LYPD6: variants seen among roughly 807,000 people sequenced by gnomAD.
LYPD6 encodes ly6/PLAUR domain-containing protein 6.
LYPD6 carries 15 observed loss-of-function variants against 22.7 expected under a neutral mutation model. The ratio of observed to expected loss-of-function variants is 0.66; its 90% CI spans 0.44 to 1.02. LYPD6 has a LOEUF of 1.02. Ranked by LOEUF, LYPD6 falls within the 50% of genes least tolerant of loss-of-function variation. LYPD6 has a pLI of 0.00. For missense variants in LYPD6, 189 were observed against 208.4 expected, an observed-to-expected ratio of 0.91 and a Z score of 0.57; for synonymous variants, 72 against 77.5, an observed-to-expected ratio of 0.93 and a Z score of 0.37.
chr2:149,370,954 C>T (rs1681794438), intron 1 of LYPD6, among the ~76,000 whole-genome samples: 2 of 152,130 alleles, frequency 1.3e-5, no homozygotes, highest in South Asian at 2.1e-4. Context: ...CAGAGTAAGA[C>T]CCTGTCTCTT....
chr2:149,474,724 G>A (rs1234366690), downstream of LYPD6, among the ~76,000 whole-genome samples: 1 of 152,068 alleles, frequency 6.6e-6, no homozygotes, highest in Non-Finnish European at 1.5e-5. Flanking sequence ...TAGAAAATTT[G>A]ATTTTGAAGA....
intron 2 of LYPD6, among the ~76,000 whole-genome samples, chr2:149,439,469 T>G (rs960599488): frequency 1.3e-5 from 2 of 152,240 alleles, no homozygotes; most frequent in Non-Finnish European, 2.9e-5. Flanking sequence ...TAGGGTTGAT[T>G]GCCAGAGTTT....
the LYPD6 span, among the ~76,000 whole-genome samples, chr2:149,484,259 T>A: frequency 2.0e-5 from 3 of 152,240 alleles, no homozygotes; most frequent in Non-Finnish European, 4.4e-5. Context: ...GTGACTCTTT[T>A]GGTGTGGACT....
chr2:149,387,250 A>T (rs1682209824), intron 1 of LYPD6, among the ~76,000 whole-genome samples: 1 of 152,230 alleles, frequency 6.6e-6, no homozygotes, highest in African/African-American at 2.4e-5. Context: ...GAGATATTGT[A>T]TTGAGTGTGG....
At chr2:149,453,823 G>T (rs1387824351) in intron 3 of LYPD6, among the ~76,000 whole-genome samples, 2 of 152,122 alleles carry the variant, frequency 1.3e-5, no homozygotes, top group Non-Finnish European at 2.9e-5. Flanking sequence ...TTCCTTTTAG[G>T]CAATTTTACA....
intron 1 of LYPD6, among the ~76,000 whole-genome samples, chr2:149,361,637 T>C (rs1456959690): frequency 6.6e-6 from 1 of 152,218 alleles, no homozygotes; most frequent in Non-Finnish European, 1.5e-5. Context: ...GAATTAATTT[T>C]CTTTTTGAAT....
chr2:149,456,410 C>T lies in LYPD6; in HGVS notation c.217+7263C>T, dbSNP rs143525491. Among the ~76,000 whole-genome samples the T allele has an allele frequency of 5.2e-3, 790 of 152,328 alleles. 11 individuals carry two copies. The highest frequency in any genetic ancestry group is 0.018 in the African/African-American group (746 of 41,582). ...TAGAAGCTCCTCGCATGCCTGTTTT[C>T]AGTCACTTTTCCTACCACCAAGGGT... On this transcript the variant is annotated intron_variant, in intron 3 of 4. Transcript: ENST00000334166.
At chr2:149,367,157 G>A (rs185508897) in intron 1 of LYPD6, among the ~76,000 whole-genome samples, 1 of 152,010 alleles carries the variant, frequency 6.6e-6, no homozygotes, top group Non-Finnish European at 1.5e-5. Flanking sequence ...CTCAAATTTT[G>A]TATGGCTTAG....
chr2:149,468,624 A>G (rs779443678), intron 3 of LYPD6, 21 bp from the exon 4 acceptor site: 1 of 1,608,442 alleles, frequency 6.2e-7, no homozygotes, highest in Admixed American at 1.7e-5. Context: ...CCCATCTCAA[A>G]TATATTTTCT....
chr2:149,430,479 A>G (rs1683288945), intron 1 of LYPD6, among the ~76,000 whole-genome samples: 1 of 152,180 alleles, frequency 6.6e-6, no homozygotes, highest in Non-Finnish European at 1.5e-5. Context: ...AGCGTGATAT[A>G]TTTAAAGAGA....
chr2:149,442,263 C>T (rs16826989), intron 2 of LYPD6, among the ~76,000 whole-genome samples: 37,459 of 151,982 alleles, frequency 0.25, 5,210 homozygotes, highest in African/African-American at 0.39. Flanking sequence ...GTTCTCACCA[C>T]GGTTCTGGTA....
chr2:149,361,013 T>C (rs551259710), intron 1 of LYPD6, among the ~76,000 whole-genome samples: 1 of 152,338 alleles, frequency 6.6e-6, no homozygotes, highest in East Asian at 1.9e-4. Context: ...TTTATAGTTC[T>C]TAGTTGGGGT....
chr2:149,441,949 T>A (rs1441519143), intron 2 of LYPD6, among the ~76,000 whole-genome samples: 1 of 152,172 alleles, frequency 6.6e-6, no homozygotes, highest in Non-Finnish European at 1.5e-5. Flanking sequence ...TGTGGGGGCT[T>A]GTTTGTGCCC....
At chr2:149,332,325 T>C (rs1680954468) in intron 1 of LYPD6, among the ~76,000 whole-genome samples, 1 of 152,196 alleles carries the variant, frequency 6.6e-6, no homozygotes, top group South Asian at 2.1e-4. Context: ...ATGGAAATGC[T>C]TCCAGACCAA....
chr2:149,452,510 G>GA (rs1300276215), intron 3 of LYPD6, among the ~76,000 whole-genome samples: 1 of 152,198 alleles, frequency 6.6e-6, no homozygotes, highest in Non-Finnish European at 1.5e-5. Context: ...AAGGGCAACT[G>GA]AGACACTGCT....
intron 1 of LYPD6, among the ~76,000 whole-genome samples, chr2:149,408,405 T>C (rs1201910641): frequency 6.6e-6 from 1 of 152,186 alleles, no homozygotes; most frequent in Non-Finnish European, 1.5e-5. Context: ...TCTTTTTGCA[T>C]TGAATTTCCC....
chr2:149,389,489 A>G (rs1682262264), intron 1 of LYPD6, among the ~76,000 whole-genome samples: 1 of 152,144 alleles, frequency 6.6e-6, no homozygotes, highest in Non-Finnish European at 1.5e-5. Context: ...GATATACGAA[A>G]ATTAGAGAAG....
rs115761503 is a variant in LYPD6, at chr2:149,390,658, T to C, written c.-71-46980T>C. On this transcript the variant is annotated intron_variant, in intron 1 of 4. Coordinates refer to ENST00000334166, the MANE Select transcript of LYPD6 (RefSeq NM_194317.5). ...TCCTAGCTTACATTTTAAATCTCAG[T>C]ACCTCAATTCTTATGATAGCCAATT... 8.7e-3 allele frequency among the ~76,000 whole-genome samples: 1,324 copies of C among 152,328 alleles called. 22 individuals are homozygous for C. Among genetic ancestry groups the C allele is most frequent in the African/African-American group, 0.031 (1,272 of 41,574 alleles).
intron 1 of LYPD6, among the ~76,000 whole-genome samples, chr2:149,410,532 C>T (rs1268316710): frequency 6.6e-6 from 1 of 150,660 alleles, no homozygotes. Flanking sequence ...GGTTGTTTAC[C>T]TGAAAAGTAA....
Sources: allele counts gnomAD v4.1 joint callset (sites outside exome capture counted in the v4.1 genomes callset), GRCh38; gene constraint gnomAD v4.1.1; transcripts MANE v1.5; gene names NCBI Gene and HGNC (gene_info 2026-07-23, HGNC 2026-07-21).